The following EYS variants were observed in gnomAD, a reference collection of about 807,000 sequenced individuals.
EYS encodes the protein protein eyes shut homolog.
Under a neutral mutation model 282.1 loss-of-function variants are expected in EYS, and 250 were observed. That is an observed-to-expected ratio of 0.89 (90% CI 0.80 to 0.98). EYS has a LOEUF of 0.98. EYS is among the 50% of genes least tolerant of loss of function. EYS has a pLI of 0.00. For missense variants in EYS, 4,016 were observed against 3,709.0 expected (o/e 1.08, Z -2.15); for synonymous variants, 1,355 against 1,282.9 (o/e 1.06, Z -1.20).
intron 31 of EYS, among the ~76,000 whole-genome samples, chr6:64,192,488 G>C (rs13212514): frequency 0.31 from 46,577 of 151,810 alleles, 7,220 homozygotes; most frequent in East Asian, 0.5. Context: ...CAGAGATATA[G>C]ATCAATGGAA....
At chr6:65,243,477 G>T (rs1280505293) in intron 12 of EYS, among the ~76,000 whole-genome samples, 1 of 152,146 alleles carries the variant, frequency 6.6e-6, no homozygotes, top group African/African-American at 2.4e-5. Context: ...TGTTGGGTGG[G>T]AATGAGGGAG....
intron 22 of EYS, among the ~76,000 whole-genome samples, chr6:64,773,472 A>G (rs1275411941): frequency 6.6e-6 from 1 of 151,822 alleles, no homozygotes; most frequent in African/African-American, 2.4e-5. Context: ...AGAACGATTT[A>G]TAGTCTTTTG....
At chr6:64,770,640 T>C (rs1223301347) in intron 22 of EYS, among the ~76,000 whole-genome samples, 1 of 151,858 alleles carries the variant, frequency 6.6e-6, no homozygotes, top group Non-Finnish European at 1.5e-5. Context: ...AGTAGGTGAG[T>C]TTGGAAAGAC....
At chr6:63,987,443 T>C (rs1054683672) in intron 34 of EYS, among the ~76,000 whole-genome samples, 1 of 151,734 alleles carries the variant, frequency 6.6e-6, no homozygotes, top group Non-Finnish European at 1.5e-5. Context: ...ATGATTTAAG[T>C]TGCTACTTGA....
At chr6:63,749,664 T>TG (rs1769294652) in intron 41 of EYS, among the ~76,000 whole-genome samples, 7 of 152,162 alleles carry the variant, frequency 4.6e-5, no homozygotes. Context: ...CAAGTGTCTG[T>TG]GGTGGTCAAG....
At chr6:65,335,246 C>T (rs1199169713) in intron 10 of EYS, 100 bp from the exon 11 acceptor site, 2 of 854,502 alleles carry the variant, frequency 2.3e-6, no homozygotes, top group African/African-American at 3.4e-5. Flanking sequence ...TCTCTGTCTA[C>T]TAAGATGAAA....
At chr6:64,303,707 G>A (rs1222967322) in intron 30 of EYS, among the ~76,000 whole-genome samples, 1 of 151,580 alleles carries the variant, frequency 6.6e-6, no homozygotes, top group Non-Finnish European at 1.5e-5. Context: ...CGGGCATGGT[G>A]GCGCGCGCCT....
At chr6:64,027,087 T>C (rs1464003858) in intron 33 of EYS, among the ~76,000 whole-genome samples, 1 of 152,118 alleles carries the variant, frequency 6.6e-6, no homozygotes, top group Non-Finnish European at 1.5e-5. Context: ...GTCGAGTAAA[T>C]GATAGAATGA....
intron 2 of EYS, among the ~76,000 whole-genome samples, chr6:65,509,420 T>C (rs1582393955): frequency 6.6e-6 from 1 of 152,328 alleles, no homozygotes; most frequent in East Asian, 1.9e-4. Flanking sequence ...TTTTTAACTT[T>C]TGCTAAACTA....
At chr6:64,697,567 T>C (rs1770624571) in intron 22 of EYS, among the ~76,000 whole-genome samples, 2 of 152,156 alleles carry the variant, frequency 1.3e-5, no homozygotes, top group South Asian at 4.1e-4. Context: ...AACATTCTAC[T>C]TTACAAAAGC....
At chr6:63,974,093 T>G (rs1342712709) in intron 35 of EYS, among the ~76,000 whole-genome samples, 1 of 152,092 alleles carries the variant, frequency 6.6e-6, no homozygotes, top group Non-Finnish European at 1.5e-5. Flanking sequence ...ATTCTGAATA[T>G]CTCACATTTT....
At chr6:64,137,025 G>A (rs1774184252) in intron 31 of EYS, among the ~76,000 whole-genome samples, 1 of 152,162 alleles carries the variant, frequency 6.6e-6, no homozygotes, top group Non-Finnish European at 1.5e-5. Flanking sequence ...ATTGTTTAGT[G>A]TAACGACCTT....
intron 22 of EYS, among the ~76,000 whole-genome samples, chr6:64,731,714 G>T (rs994508102): frequency 3.9e-5 from 6 of 152,176 alleles, no homozygotes; most frequent in Non-Finnish European, 1.5e-5. Context: ...CTGTTGGTGG[G>T]AATGTAAATT....
chr6:63,848,709 G>T (rs115246913), intron 36 of EYS, among the ~76,000 whole-genome samples: 1 of 152,066 alleles, frequency 6.6e-6, no homozygotes, highest in East Asian at 1.9e-4. Flanking sequence ...ATTCTCTCAG[G>T]TGCCTACATC....
At chr6:65,273,750 T>C (rs1288213331) in intron 12 of EYS, among the ~76,000 whole-genome samples, 1 of 152,198 alleles carries the variant, frequency 6.6e-6, no homozygotes, top group Non-Finnish European at 1.5e-5. Flanking sequence ...CACCGTATGA[T>C]TAACTGCTTT....
intron 33 of EYS, among the ~76,000 whole-genome samples, chr6:64,060,786 T>C (rs1446633156): frequency 6.6e-6 from 1 of 152,138 alleles, no homozygotes; most frequent in Non-Finnish European, 1.5e-5. Context: ...TTATCAAAGG[T>C]AATGTGATAA....
chr6:64,538,070 TA>T (rs1363599021), intron 26 of EYS, among the ~76,000 whole-genome samples: 2 of 152,184 alleles, frequency 1.3e-5, no homozygotes, highest in African/African-American at 4.8e-5. Flanking sequence ...TAGGATGCAT[TA>T]AAAAATTGTT....
intron 28 of EYS, among the ~76,000 whole-genome samples, chr6:64,421,813 GAA>G (rs1774240614): frequency 6.6e-6 from 1 of 151,678 alleles, no homozygotes; most frequent in African/African-American, 2.4e-5. Context: ...AGGGAGCGAA[GAA>G]GAGAGAGAGA....
chr6:65,477,841 C>G (rs1043821435), intron 5 of EYS, among the ~76,000 whole-genome samples: 4 of 151,982 alleles, frequency 2.6e-5, no homozygotes, highest in Non-Finnish European at 5.9e-5. Context: ...GGAGAGAAAG[C>G]TGTGATTCTT....
Sources: allele counts gnomAD v4.1 joint callset (sites outside exome capture counted in the v4.1 genomes callset), GRCh38; gene constraint gnomAD v4.1.1; transcripts MANE v1.5; gene names NCBI Gene and HGNC (gene_info 2026-07-23, HGNC 2026-07-21).